The following HNF4G variants were observed in gnomAD, a reference collection of about 807,000 sequenced individuals.
HNF4G encodes the protein hepatocyte nuclear factor 4 gamma, also known as hepatocyte nuclear factor 4-gamma.
A neutral mutation model predicts 50.9 loss-of-function variants in HNF4G; 21 were observed. That is an observed-to-expected ratio of 0.41 (90% confidence interval 0.29 to 0.59). HNF4G has a LOEUF of 0.59. HNF4G is among the 20% of genes least tolerant of loss of function. HNF4G has a pLI of 0.26. For synonymous variants in HNF4G, 198 were observed against 185.6 expected (o/e 1.07, Z -0.54); for missense variants, 527 against 559.4 (o/e 0.94, Z 0.58).
At chr8:75,408,459 G>A (rs746551683) in intron 1 of HNF4G, among the ~76,000 whole-genome samples, 1 of 152,132 alleles carries the variant, frequency 6.6e-6, no homozygotes, top group Non-Finnish European at 1.5e-5. Flanking sequence ...ATCACCCCAT[G>A]CATGGCCTTT....
Position 75,471,954 on chromosome 8 carries a change from A to C in HNF4G, c.-143-18135A>C, listed in dbSNP as rs528673244. 1.6e-4 allele frequency among the ~76,000 whole-genome samples: 24 copies of C among 152,298 alleles called. 1 individual carries two copies. Among genetic ancestry groups the C allele is most frequent in the South Asian group, 1.2e-3 (6 of 4,824 alleles). On this transcript the variant is annotated intron_variant, in intron 1 of 10. Transcript: ENST00000354370. ...TCTTACTTATGGTACTTGAGCAAGT[A>C]ATCTACCCTTTCTGAGCTTCATTTT...
At chr8:75,442,574 AT>A (rs1361575691) in intron 1 of HNF4G, among the ~76,000 whole-genome samples, 1 of 152,036 alleles carries the variant, frequency 6.6e-6, no homozygotes, top group East Asian at 1.9e-4. Context: ...CCTGGTCTCA[AT>A]TAAAAATAAA....
intron 1 of HNF4G, among the ~76,000 whole-genome samples, chr8:75,484,242 G>C (rs1298459993): frequency 1.3e-5 from 2 of 152,186 alleles, no homozygotes; most frequent in Non-Finnish European, 2.9e-5. Context: ...GCTAAGTATA[G>C]TGTGGTACAT....
chr8:75,551,995 A>T (rs1475499680), intron 4 of HNF4G, among the ~76,000 whole-genome samples: 1 of 152,230 alleles, frequency 6.6e-6, no homozygotes, highest in Non-Finnish European at 1.5e-5. Flanking sequence ...AAATTTCTCA[A>T]ATAACAGTTC....
chr8:75,541,151 T>A (rs1806610433), intron 1 of HNF4G, among the ~76,000 whole-genome samples: 1 of 152,074 alleles, frequency 6.6e-6, no homozygotes, highest in African/African-American at 2.4e-5. Flanking sequence ...TTCATCAGAA[T>A]CCTGAATTTA....
At chr8:75,538,724 G>A (rs1019107314), upstream of HNF4G, among the ~76,000 whole-genome samples, 27 of 152,162 alleles carry the variant, frequency 1.8e-4, no homozygotes, top group African/African-American at 6.5e-4. Context: ...AGAATATGAG[G>A]GCAAGAGGAC....
intron 2 of HNF4G, among the ~76,000 whole-genome samples, chr8:75,513,040 T>C (rs1172545434): frequency 6.6e-6 from 1 of 152,182 alleles, no homozygotes; most frequent in African/African-American, 2.4e-5. Flanking sequence ...ATAGAGTTTT[T>C]CTGTTTTCTT....
intron 2 of HNF4G, among the ~76,000 whole-genome samples, chr8:75,530,079 G>C (rs757029883): frequency 2.0e-4 from 31 of 152,232 alleles, no homozygotes; most frequent in Non-Finnish European, 2.4e-4. Context: ...AAGAATCAGA[G>C]TTCCAACCAA....
At chr8:75,437,155 AG>A (rs1811159299) in intron 1 of HNF4G, among the ~76,000 whole-genome samples, 1 of 152,242 alleles carries the variant, frequency 6.6e-6, no homozygotes, top group Admixed American at 6.5e-5. Context: ...TGACCAACAA[AG>A]TTTCGAATAT....
chr8:75,554,403 T>C (rs192208734), intron 5 of HNF4G, among the ~76,000 whole-genome samples: 23 of 152,340 alleles, frequency 1.5e-4, no homozygotes, highest in African/African-American at 4.8e-4. Flanking sequence ...ACTGATTCTT[T>C]AATATTAACA....
At chr8:75,542,298 C>T (rs1199868927) in intron 1 of HNF4G, among the ~76,000 whole-genome samples, 1 of 135,858 alleles carries the variant, frequency 7.4e-6, no homozygotes, top group Non-Finnish European at 1.6e-5. Flanking sequence ...AAGCAAGTCC[C>T]TGACTCAAAA....
chr8:75,497,344 G>A (rs1053978644), intron 2 of HNF4G, among the ~76,000 whole-genome samples: 1 of 152,242 alleles, frequency 6.6e-6, no homozygotes, highest in East Asian at 1.9e-4. Flanking sequence ...ATTAAAAGAG[G>A]TATAAAGTAC....
chr8:75,451,622 T>C (rs1185042907), intron 1 of HNF4G, among the ~76,000 whole-genome samples: 2 of 152,240 alleles, frequency 1.3e-5, no homozygotes, highest in Admixed American at 6.5e-5. Flanking sequence ...TTTTGTGTTC[T>C]TGGCATCTTT....
chr8:75,439,725 C>T (rs1447053698), intron 1 of HNF4G, among the ~76,000 whole-genome samples: 4 of 151,912 alleles, frequency 2.6e-5, no homozygotes, highest in Non-Finnish European at 5.9e-5. Context: ...CAAACATTCT[C>T]TACTGAACAT....
intron 2 of HNF4G, among the ~76,000 whole-genome samples, chr8:75,499,811 T>C (rs925256806): frequency 5.3e-5 from 8 of 151,852 alleles, no homozygotes; most frequent in Admixed American, 4.6e-4. Context: ...CTTCAAAAAA[T>C]GGAGATAGGA....
At chr8:75,418,876 A>G (rs1255913816) in intron 1 of HNF4G, among the ~76,000 whole-genome samples, 2 of 151,806 alleles carry the variant, frequency 1.3e-5, no homozygotes, top group Admixed American at 1.3e-4. Flanking sequence ...TACAGGCATG[A>G]GCCAGCATGC....
chr8:75,536,666 T>C (rs1355800884), upstream of HNF4G, among the ~76,000 whole-genome samples: 1 of 152,106 alleles, frequency 6.6e-6, no homozygotes, highest in Non-Finnish European at 1.5e-5. Context: ...ATTTCATTTT[T>C]TAATTGTGCC....
chr8:75,444,143 A>G (rs1220674713), intron 1 of HNF4G, among the ~76,000 whole-genome samples: 1 of 151,990 alleles, frequency 6.6e-6, no homozygotes, highest in African/African-American at 2.4e-5. Context: ...TAAAGAAAAG[A>G]ATTTTCAACC....
intron 1 of HNF4G, among the ~76,000 whole-genome samples, chr8:75,477,897 G>T (rs1439507466): frequency 6.6e-6 from 1 of 152,142 alleles, no homozygotes; most frequent in Non-Finnish European, 1.5e-5. Flanking sequence ...AACCCAGGAG[G>T]GGGAGGCTGC....
Sources: gnomAD v4.1 joint callset for allele counts (sites outside exome capture counted in the v4.1 genomes callset) on GRCh38, gnomAD v4.1.1 for gene constraint, MANE v1.5 for transcripts, NCBI Gene and HGNC (gene_info 2026-07-23, HGNC 2026-07-21) for gene names.